The following PTPRQ variants were observed in gnomAD, a reference collection of about 807,000 sequenced individuals.
The protein encoded by PTPRQ is phosphatidylinositol phosphatase PTPRQ.
PTPRQ carries 199 observed loss-of-function variants against 246.0 expected under a neutral mutation model. The observed-to-expected ratio is 0.81, with a 90% CI of 0.72 to 0.91. The LOEUF (loss-of-function observed/expected upper bound fraction) is 0.91, where lower values mean the gene tolerates loss of function less well. Ranked by LOEUF, PTPRQ falls within the 40% of genes least tolerant of loss-of-function variation. PTPRQ has a pLI of 0.00. For missense variants in PTPRQ, 2,624 were observed against 2,528.4 expected (o/e 1.04, Z -0.81); for synonymous variants, 869 against 853.2 (o/e 1.02, Z -0.32).
chr12:80,602,445 G>A (rs1375983473), intron 26 of PTPRQ, among the ~76,000 whole-genome samples: 1 of 151,834 alleles, frequency 6.6e-6, no homozygotes, highest in Non-Finnish European at 1.5e-5. Flanking sequence ...TGTAAGAATA[G>A]ACATTTGTTT....
chr12:80,487,231 A>G (rs1024361521), intron 9 of PTPRQ, among the ~76,000 whole-genome samples: 15 of 152,234 alleles, frequency 9.9e-5, no homozygotes, highest in Admixed American at 3.3e-4. Flanking sequence ...CCCATAAAAC[A>G]AAACAGAAAT....
At chr12:80,632,314 T>C in intron 34 of PTPRQ, 23 bp downstream of exon 34, 1 of 1,551,144 alleles carries the variant, frequency 6.4e-7, no homozygotes, top group Non-Finnish European at 8.7e-7. Context: ...TGCGCTTACA[T>C]TCCAGGATGC....
chr12:80,620,473 C>A, intron 32 of PTPRQ, 97 bp downstream of exon 32: 1 of 1,495,374 alleles, frequency 6.7e-7, no homozygotes, highest in Non-Finnish European at 8.9e-7. Context: ...CCAATAAGCA[C>A]TGGATGTCCG....
At chr12:80,608,484 A>G (rs762678351) in intron 27 of PTPRQ, among the ~76,000 whole-genome samples, 1 of 148,520 alleles carries the variant, frequency 6.7e-6, no homozygotes, top group Admixed American at 6.7e-5. Flanking sequence ...TATGCGTGCC[A>G]TGTCATATTT....
chr12:80,622,216 G>C, intron 33 of PTPRQ, 82 bp downstream of exon 33: 3 of 1,045,838 alleles, frequency 2.9e-6, no homozygotes, highest in Non-Finnish European at 3.8e-6. Flanking sequence ...ATTAATCCAT[G>C]TCTAGATGTT....
intron 43 of PTPRQ, among the ~76,000 whole-genome samples, chr12:80,675,457 G>A (rs143968149): frequency 1.8e-3 from 274 of 152,192 alleles, no homozygotes; most frequent in Non-Finnish European, 2.0e-3. Context: ...TAAATGAAAA[G>A]CTAACATTTT....
intron 35 of PTPRQ, among the ~76,000 whole-genome samples, chr12:80,636,163 C>T (rs1043283666): frequency 1.3e-5 from 2 of 152,172 alleles, no homozygotes; most frequent in Non-Finnish European, 2.9e-5. Flanking sequence ...TGACAGCTGA[C>T]TTTTTAAACA....
At chr12:80,518,072 G>A (rs936254224) in intron 17 of PTPRQ, among the ~76,000 whole-genome samples, 13 of 152,114 alleles carry the variant, frequency 8.5e-5, no homozygotes, top group African/African-American at 2.7e-4. Flanking sequence ...GTTCTCCGTA[G>A]TGATTTTACT....
intron 26 of PTPRQ, among the ~76,000 whole-genome samples, chr12:80,588,825 C>T (rs930004792): frequency 1.4e-4 from 21 of 152,140 alleles, no homozygotes; most frequent in African/African-American, 4.6e-4. Flanking sequence ...CTTTTAAGCC[C>T]AACTTTACAA....
intron 27 of PTPRQ, among the ~76,000 whole-genome samples, chr12:80,606,902 C>T (rs1898344795): frequency 6.6e-6 from 1 of 150,880 alleles, no homozygotes; most frequent in Non-Finnish European, 1.5e-5. Context: ...TAAAGCTTTA[C>T]TCTGTCAAAT....
At chr12:80,460,231 T>G (rs1017068030) in intron 5 of PTPRQ, among the ~76,000 whole-genome samples, 1 of 152,186 alleles carries the variant, frequency 6.6e-6, no homozygotes, top group African/African-American at 2.4e-5. Context: ...ACACCTAACG[T>G]GTGAGCTAGT....
At chr12:80,587,184 T>C (rs1897648261) in intron 25 of PTPRQ, among the ~76,000 whole-genome samples, 1 of 152,206 alleles carries the variant, frequency 6.6e-6, no homozygotes. Context: ...ATTTATTGAA[T>C]GTTGAATTAA....
chr12:80,605,035 ATAAT>A lies in PTPRQ; in HGVS notation c.4610-18_4610-15del. On this transcript the variant is annotated intron_variant, in intron 26 of 44. Transcript: ENST00000644991. ...CAAGTACTAATTCTAATGTAGCTAG[ATAAT>A]TAATTTTCTATTGTCATAGCTCCAG... The A allele has an allele frequency of 1.3e-6, 2 of 1,529,374 alleles. No individual in the cohort carries two copies. Among genetic ancestry groups the A allele is most frequent in the South Asian group, 1.3e-5 (1 of 79,664 alleles). The allele number at this position is 1,529,374 out of a possible 1,614,324, so 94.7% of individuals were successfully genotyped here. A position where few individuals can be genotyped will look rare whatever the true frequency, so the allele number is the denominator to read the frequency against.
Position 80,542,838 on chromosome 12 carries a change from G to A in PTPRQ, c.3830G>A (p.Ser1277Asn). 6.5e-7 allele frequency: 1 copy of A among 1,542,068 alleles called. No individual in the cohort carries two copies. Among genetic ancestry groups the A allele is most frequent in the South Asian group, 1.2e-5 (1 of 81,476 alleles). ...CCAGGTGGTATTGTTAAAGTATATA[G>A]TTTTAAAATTCATGAACATGAAACT... is the stretch of plus-strand genomic sequence containing the variant. Reference protein sequence around the residue: ...PLPGGIVKVYSFKIHEHETDT... With the variant: ...PLPGGIVKVYNFKIHEHETDT... Residue 1277 changes from serine (S) to asparagine (N), a missense_variant, in exon 23 of 45, where the codon AGT becomes AAT. By Grantham distance (46) the Ser-to-Asn change is conservative (BLOSUM62 1). Transcript: ENST00000644991.
chr12:80,480,913 G>A (rs377584394), intron 8 of PTPRQ, among the ~76,000 whole-genome samples: 2,083 of 152,042 alleles, frequency 0.014, 51 homozygotes, highest in African/African-American at 0.044. Context: ...GTCCAGGACC[G>A]GATGGATTCA....
intron 33 of PTPRQ, among the ~76,000 whole-genome samples, chr12:80,623,988 T>C (rs1168903781): frequency 6.6e-6 from 1 of 152,202 alleles, no homozygotes; most frequent in Non-Finnish European, 1.5e-5. Flanking sequence ...TGGTCTTCTC[T>C]TTCTTCTTTC....
intron 23 of PTPRQ, 94 bp downstream of exon 23, chr12:80,542,975 A>C: frequency 1.2e-6 from 1 of 849,560 alleles, no homozygotes; most frequent in South Asian, 2.8e-5. Context: ...CTACTAAATT[A>C]AACAATGACT....
At chr12:80,565,669 T>C (rs1896957973) in intron 25 of PTPRQ, among the ~76,000 whole-genome samples, 1 of 152,198 alleles carries the variant, frequency 6.6e-6, no homozygotes, top group East Asian at 1.9e-4. Flanking sequence ...GATGTAAACA[T>C]TCAGAAATGT....
At chr12:80,619,224 T>A (rs894829165) in intron 30 of PTPRQ, among the ~76,000 whole-genome samples, 160 bp from the exon 31 acceptor site, 15 of 151,582 alleles carry the variant, frequency 9.9e-5, no homozygotes, top group African/African-American at 3.6e-4. Flanking sequence ...AGATAATAAT[T>A]GCTAAATGTC....
Sources: gnomAD v4.1 joint callset for allele counts (sites outside exome capture counted in the v4.1 genomes callset) on GRCh38, gnomAD v4.1.1 for gene constraint, MANE v1.5 for transcripts, NCBI Gene and HGNC (gene_info 2026-07-23, HGNC 2026-07-21) for gene names.